The following POT1 variants were observed in gnomAD, a reference collection of about 807,000 sequenced individuals.
The protein encoded by POT1 is protection of telomeres protein 1.
A neutral mutation model predicts 78.5 loss-of-function variants in POT1; 47 were observed. That is an observed-to-expected ratio of 0.60 (90% CI 0.47 to 0.76). The LOEUF is 0.76. Ranked by LOEUF, POT1 falls within the 30% of genes least tolerant of loss-of-function variation. The pLI is 0.00. For missense variants in POT1, 646 were observed against 749.9 expected (o/e 0.86, Z 1.62); for synonymous variants, 259 against 260.7 (o/e 0.99, Z 0.06).
intron 5 of POT1, 106 bp from the exon 6 acceptor site, chr7:124,892,486 A>C: frequency 1.8e-6 from 1 of 549,696 alleles, no homozygotes; most frequent in Non-Finnish European, 3.0e-6. Flanking sequence ...TTATCCTTTT[A>C]AGTGTCTAAA....
intron 2 of POT1, among the ~76,000 whole-genome samples, chr7:124,924,377 G>A (rs1408951253): frequency 1.3e-5 from 2 of 151,910 alleles, no homozygotes; most frequent in African/African-American, 2.4e-5. Flanking sequence ...AGAAAACCAA[G>A]AGAAAATGGA....
intron 6 of POT1, among the ~76,000 whole-genome samples, chr7:124,872,603 A>G (rs1173764845): frequency 1.3e-5 from 2 of 152,132 alleles, no homozygotes; most frequent in Admixed American, 1.3e-4. Flanking sequence ...CAAAGTGATA[A>G]GTGCTTAAAC....
At chr7:124,867,721 A>G (rs536288100) in intron 7 of POT1, among the ~76,000 whole-genome samples, 154 of 152,028 alleles carry the variant, frequency 1.0e-3, no homozygotes, top group African/African-American at 3.6e-3. Flanking sequence ...ATCTCGGCTC[A>G]CTGCAACCTC....
intron 3 of POT1, among the ~76,000 whole-genome samples, chr7:124,904,790 T>C (rs1179628763): frequency 6.6e-6 from 1 of 152,176 alleles, no homozygotes; most frequent in Admixed American, 6.5e-5. Context: ...ATAAGCAACT[T>C]CAGCAAAGTC....
intron 3 of POT1, among the ~76,000 whole-genome samples, chr7:124,900,547 G>A (rs540071276): frequency 2.6e-5 from 4 of 152,134 alleles, no homozygotes; most frequent in South Asian, 2.1e-4. Flanking sequence ...CAAGATGGCC[G>A]AATAGGAACA....
chr7:124,908,058 T>C (rs1796806699), intron 3 of POT1, among the ~76,000 whole-genome samples: 1 of 151,976 alleles, frequency 6.6e-6, no homozygotes, highest in Non-Finnish European at 1.5e-5. Flanking sequence ...TCATTACACT[T>C]AGTGGGCAAG....
chr7:124,881,854 A>G (rs2116600522), intron 6 of POT1, among the ~76,000 whole-genome samples: 1 of 152,144 alleles, frequency 6.6e-6, no homozygotes, highest in African/African-American at 2.4e-5. Context: ...TTCGTACTTT[A>G]AATAAATAGT....
chr7:124,865,580 A>G (rs1233014929), intron 7 of POT1, among the ~76,000 whole-genome samples: 1 of 151,800 alleles, frequency 6.6e-6, no homozygotes, highest in Non-Finnish European at 1.5e-5. Flanking sequence ...CAGTTCCTGA[A>G]TTTCTATTTT....
intron 3 of POT1, among the ~76,000 whole-genome samples, chr7:124,907,801 G>A (rs1796801007): frequency 6.6e-6 from 1 of 152,008 alleles, no homozygotes; most frequent in African/African-American, 2.4e-5. Context: ...CAATTTTGCT[G>A]TGAACCTAAA....
chr7:124,854,014 TGGATGACTATAG>T (rs1006939746), intron 9 of POT1, among the ~76,000 whole-genome samples: 10 of 152,038 alleles, frequency 6.6e-5, no homozygotes, highest in Non-Finnish European at 1.3e-4. Context: ...TCCTGACTAC[TGGATGACTATAG>T]GGATACCACT....
intron 14 of POT1, among the ~76,000 whole-genome samples, chr7:124,839,931 A>G (rs938103054): frequency 3.9e-5 from 6 of 152,008 alleles, no homozygotes; most frequent in Admixed American, 6.6e-5. Flanking sequence ...ATTATCACTC[A>G]AAGTCCAGTC....
rs187419281 is a variant in POT1, at chr7:124,919,242, C to T, written c.-226-3596G>A. 2.4e-4 allele frequency among the ~76,000 whole-genome samples: 36 copies of T among 152,206 alleles called. No individual in the cohort carries two copies. The East Asian group carries it at 3.9e-3, about 16-fold the overall frequency. On this transcript the variant is annotated intron_variant, in intron 2 of 18. Coordinates refer to ENST00000357628, the MANE Select transcript of POT1 (RefSeq NM_015450.3). ...GAAAAGGTAGAGTAAAAACACAATACTATGATGTTATGGGATGGACCACCA... is the reference window on the plus strand; with the variant it reads ...GAAAAGGTAGAGTAAAAACACAATATTATGATGTTATGGGATGGACCACCA...
At chr7:124,879,459 T>C (rs913329405) in intron 6 of POT1, among the ~76,000 whole-genome samples, 4 of 152,170 alleles carry the variant, frequency 2.6e-5, no homozygotes, top group Non-Finnish European at 5.9e-5. Context: ...AAAATAATAA[T>C]AGGCCAGTTT....
At chr7:124,897,527 G>T (rs1796521533) in intron 4 of POT1, among the ~76,000 whole-genome samples, 1 of 151,848 alleles carries the variant, frequency 6.6e-6, no homozygotes, top group Non-Finnish European at 1.5e-5. Context: ...GTAAAAGAAT[G>T]CCAACTCCTA....
chr7:124,859,979 A>T (rs1175743991), intron 8 of POT1, among the ~76,000 whole-genome samples: 4 of 152,192 alleles, frequency 2.6e-5, no homozygotes, highest in Non-Finnish European at 5.9e-5. Flanking sequence ...CACTGTGGTT[A>T]GTAAAAAAGG....
intron 9 of POT1, among the ~76,000 whole-genome samples, chr7:124,858,004 C>T (rs1233805898): frequency 1.3e-5 from 2 of 152,150 alleles, no homozygotes; most frequent in Admixed American, 1.3e-4. Flanking sequence ...TTTGCCCTGG[C>T]TCCTGCACCT....
chr7:124,879,646 AAT>A (rs1796072498), intron 6 of POT1, among the ~76,000 whole-genome samples: 2 of 152,168 alleles, frequency 1.3e-5, no homozygotes, highest in Non-Finnish European at 2.9e-5. Context: ...GGAAAAGAAG[AAT>A]GCAATAGGAT....
At chr7:124,848,851 G>A (rs114377158) in intron 11 of POT1, among the ~76,000 whole-genome samples, 2,597 of 151,968 alleles carry the variant, frequency 0.017, 70 homozygotes, top group African/African-American at 0.059. Context: ...AAATAAAAGC[G>A]GAGATGGATA....
At position 124,844,260 on chromosome 7, in the gene POT1, C is replaced by A. The variant is rs113947276; in HGVS notation, c.1007-1297G>T. On this transcript the variant is annotated intron_variant, in intron 12 of 18. Coordinates refer to ENST00000357628, the MANE Select transcript of POT1 (RefSeq NM_015450.3). ...TCTCCTGCCTCAGCCTCCTAAGTAGCTGGGATTACAGGCATGCACCACCAC... is the reference window on the plus strand; with the variant it reads ...TCTCCTGCCTCAGCCTCCTAAGTAGATGGGATTACAGGCATGCACCACCAC... Among the ~76,000 whole-genome samples, 1,119 of 151,250 alleles carry A rather than the reference C, an allele frequency of 7.4e-3. 11 individuals carry two copies. The highest frequency in any genetic ancestry group is 0.012 in the Non-Finnish European group (829 of 67,786).
Sources: allele counts gnomAD v4.1 joint callset (sites outside exome capture counted in the v4.1 genomes callset), GRCh38; gene constraint gnomAD v4.1.1; transcripts MANE v1.5; gene names NCBI Gene and HGNC (gene_info 2026-07-23, HGNC 2026-07-21).